GALNS: variants seen among roughly 807,000 people sequenced by gnomAD.
The protein encoded by GALNS is N-acetylgalactosamine-6-sulfatase.
A neutral mutation model predicts 65.9 loss-of-function variants in GALNS; 65 were observed. The ratio of observed to expected loss-of-function variants is 0.99; its 90% CI spans 0.81 to 1.21. The LOEUF is 1.21. Ranked by LOEUF, GALNS falls within the 50% of genes most tolerant of loss-of-function variation. The pLI is 0.00. For missense variants in GALNS, 776 were observed against 700.7 expected, an observed-to-expected ratio of 1.11 and a Z score of -1.21; for synonymous variants, 346 against 288.9, an observed-to-expected ratio of 1.20 and a Z score of -2.00.
intron 2 of GALNS, chr16:88,842,296 T>G (rs1259950856): frequency 1.9e-6 from 1 of 524,968 alleles, no homozygotes; most frequent in African/African-American, 1.9e-5. Flanking sequence ...CCCCGTGCCC[T>G]GCCTTCTCCT....
chr16:88,829,296 CAG>C (rs1430097431), intron 9 of GALNS, among the ~76,000 whole-genome samples: 6 of 152,216 alleles, frequency 3.9e-5, no homozygotes, highest in Admixed American at 3.3e-4. Context: ...GGATGGCGCT[CAG>C]GGGAGTGGAG....
chr16:88,847,158 T>G (rs1323562861), intron 1 of GALNS, among the ~76,000 whole-genome samples: 1 of 151,910 alleles, frequency 6.6e-6, no homozygotes, highest in African/African-American at 2.4e-5. Flanking sequence ...CTGAAATACT[T>G]TTCTCTCTCG....
At chr16:88,839,519 G>C (rs1031723806) in intron 4 of GALNS, among the ~76,000 whole-genome samples, 1 of 152,260 alleles carries the variant, frequency 6.6e-6, no homozygotes, top group African/African-American at 2.4e-5. Context: ...GCACACCCGC[G>C]TGGCTTCATG....
At chr16:88,834,909 G>A (rs926338100) in intron 8 of GALNS, among the ~76,000 whole-genome samples, 2 of 152,178 alleles carry the variant, frequency 1.3e-5, no homozygotes, top group African/African-American at 2.4e-5. Context: ...CTGTTTCCAT[G>A]CGGCCTCCAA....
At chr16:88,835,093 G>T (rs1911971697) in intron 8 of GALNS, 120 bp downstream of exon 8, 3 of 1,306,800 alleles carry the variant, frequency 2.3e-6, no homozygotes, top group Non-Finnish European at 3.2e-6. Context: ...CCTCCCGCTG[G>T]ACCCAGAGGG....
intron 12 of GALNS, among the ~76,000 whole-genome samples, chr16:88,819,052 G>A (rs1909932216): frequency 1.3e-5 from 2 of 152,220 alleles, no homozygotes; most frequent in South Asian, 2.1e-4. Flanking sequence ...AGGTGAGCCC[G>A]GACCCACTGA....
At position 88,856,008 on chromosome 16, in the gene GALNS, A is replaced by T. The variant is rs1967835192; in HGVS notation, c.120+750T>A. The T allele has an allele frequency of 5.0e-6, 3 of 601,364 alleles. No individual in the cohort carries two copies. In the South Asian group the frequency reaches 5.8e-5, roughly 12 times the overall value. 37.3% of individuals were successfully genotyped at this position (601,364 alleles called of 1,614,324 possible). A position where few individuals can be genotyped will look rare whatever the true frequency, so the allele number is the denominator to read the frequency against. On this transcript the variant is annotated intron_variant, in intron 1 of 13. Transcript: ENST00000268695. ...GGAAGTGACCCCCAAGCTTGGAGAC[A>T]GTAGGGTTTCAACCCAGGTGTGTCT...
intron 13 of GALNS, chr16:88,815,397 G>C: frequency 1.0e-6 from 1 of 985,490 alleles, no homozygotes. Flanking sequence ...CCAGGGAGAA[G>C]CCAGTCCCTA....
At chr16:88,841,162 G>A (rs1219821211) in intron 3 of GALNS, 68 bp from the exon 4 acceptor site, 3 of 1,190,098 alleles carry the variant, frequency 2.5e-6, no homozygotes, top group African/African-American at 1.5e-5. Flanking sequence ...CATCCTAACA[G>A]GACACTGGGG....
chr16:88,828,330 C>T (rs1911139991), intron 9 of GALNS, among the ~76,000 whole-genome samples: 1 of 152,222 alleles, frequency 6.6e-6, no homozygotes, highest in African/African-American at 2.4e-5. Context: ...GGAGCGTTTT[C>T]GAAGAACTCT....
rs911877265 is a variant in GALNS, at chr16:88,856,757, C to T, written c.120+1G>A. ...TGCCCCGTCCCACCGCCCGCACTCA[C>T]GTCGTCCATGAGCAGGAGCAGGATG... On this transcript the variant is annotated splice_donor_variant, in intron 1 of 13. Coordinates refer to ENST00000268695, the MANE Select transcript of GALNS (RefSeq NM_000512.5). LOFTEE classifies it high-confidence loss of function. 1 of 1,525,564 alleles carries T rather than the reference C, an allele frequency of 6.6e-7. No individual in the cohort carries two copies. Among genetic ancestry groups the T allele is most frequent in the Non-Finnish European group, 8.8e-7 (1 of 1,141,446 alleles). 94.5% of individuals were successfully genotyped at this position (1,525,564 alleles called of 1,614,324 possible). A position where few individuals can be genotyped will look rare whatever the true frequency, so the allele number is the denominator to read the frequency against.
chr16:88,846,683 T>C (rs1336450322), intron 1 of GALNS, among the ~76,000 whole-genome samples: 2 of 151,970 alleles, frequency 1.3e-5, no homozygotes, highest in East Asian at 1.9e-4. Context: ...GCTGGGATTA[T>C]AGGCGCCCTC....
intron 13 of GALNS, among the ~76,000 whole-genome samples, chr16:88,817,648 G>C (rs898007993): frequency 1.3e-5 from 2 of 152,208 alleles, no homozygotes; most frequent in Non-Finnish European, 2.9e-5. Context: ...TGTGGGAGTC[G>C]AGGACCAGGG....
At chr16:88,814,622 C>G (rs1404106643) in intron 13 of GALNS, 97 bp from the exon 14 acceptor site, 10 of 1,536,404 alleles carry the variant, frequency 6.5e-6, no homozygotes, top group South Asian at 2.4e-5. Context: ...CTGAGACAGT[C>G]TCACTCTGTC....
intron 12 of GALNS, among the ~76,000 whole-genome samples, chr16:88,820,420 C>T (rs77318452): frequency 0.053 from 8,021 of 152,296 alleles, 265 homozygotes; most frequent in Middle Eastern, 0.16. Context: ...TGAACCATGG[C>T]GACCGGCCAC....
At chr16:88,856,626 C>T (rs1257117763) in intron 1 of GALNS, 132 bp downstream of exon 1, 5 of 531,668 alleles carry the variant, frequency 9.4e-6, no homozygotes, top group Non-Finnish European at 1.7e-5. Context: ...GGGCCTCCCC[C>T]CTTCCCCAAG....
chr16:88,835,897 T>A (rs746579453), intron 6 of GALNS, 48 bp from the exon 7 acceptor site: 2 of 1,612,570 alleles, frequency 1.2e-6, no homozygotes. Context: ...GCCGACCTCC[T>A]CATGCCTCCC....
At position 88,841,810 on chromosome 16, in the gene GALNS, C is replaced by T. The variant is rs1028621097; in HGVS notation, c.319+87G>A. On this transcript the variant is annotated intron_variant, in intron 3 of 13. Transcript: ENST00000268695. Reference sequence around the variant, plus strand: ...GGTACCCCACCTGCAGCTTGCCACCCGAGTCCCGGAGACACGGGCACCACC... The same window carrying T: ...GGTACCCCACCTGCAGCTTGCCACCTGAGTCCCGGAGACACGGGCACCACC... 2.8e-5 allele frequency: 34 copies of T among 1,228,530 alleles called. 1 individual carries two copies. The highest frequency in any genetic ancestry group is 3.4e-5 in the Non-Finnish European group (29 of 852,810). The allele number at this position is 1,228,530 out of a possible 1,614,324, so 76.1% of individuals were successfully genotyped here. A position where few individuals can be genotyped will look rare whatever the true frequency, so the allele number is the denominator to read the frequency against.
intron 3 of GALNS, among the ~76,000 whole-genome samples, chr16:88,841,565 G>A (rs1966974088): frequency 6.6e-6 from 1 of 152,166 alleles, no homozygotes; most frequent in Non-Finnish European, 1.5e-5. Flanking sequence ...AGCGATTCCA[G>A]AACATTCCAG....
Sources: allele counts gnomAD v4.1 joint callset (sites outside exome capture counted in the v4.1 genomes callset), GRCh38; gene constraint gnomAD v4.1.1; transcripts MANE v1.5; gene names NCBI Gene and HGNC (gene_info 2026-07-23, HGNC 2026-07-21).